The following PRMT3 variants were observed in gnomAD, a reference collection of about 807,000 sequenced individuals.
The protein encoded by PRMT3 is protein arginine methyltransferase 3.
Under a neutral mutation model 71.9 loss-of-function variants are expected in PRMT3, and 62 were observed. The observed-to-expected ratio is 0.86, with a 90% CI of 0.70 to 1.07. PRMT3 has a LOEUF of 1.07. PRMT3 is among the 50% of genes least tolerant of loss of function. The pLI is 0.00. For synonymous variants in PRMT3, 213 were observed against 220.4 expected, an observed-to-expected ratio of 0.97 and a Z score of 0.30; for missense variants, 663 against 643.0, an observed-to-expected ratio of 1.03 and a Z score of -0.34.
chr11:20,439,716 A>T (rs1288851356), intron 10 of PRMT3, among the ~76,000 whole-genome samples: 1 of 152,242 alleles, frequency 6.6e-6, no homozygotes, highest in Non-Finnish European at 1.5e-5. Flanking sequence ...AATTCTCTTC[A>T]TATTAATCTG....
chr11:20,493,879 T>C, intron 13 of PRMT3, 40 bp from the exon 14 acceptor site: 1 of 1,350,594 alleles, frequency 7.4e-7, no homozygotes, highest in East Asian at 2.3e-5. Flanking sequence ...ATTATGTAAT[T>C]CATTTAGTAA....
intron 10 of PRMT3, among the ~76,000 whole-genome samples, chr11:20,439,929 C>T (rs771917438): frequency 6.6e-6 from 1 of 152,132 alleles, no homozygotes; most frequent in Non-Finnish European, 1.5e-5. Flanking sequence ...CAAAGACTGA[C>T]AAACAGACCT....
intron 13 of PRMT3, among the ~76,000 whole-genome samples, chr11:20,485,633 C>G (rs1490964592): frequency 6.6e-6 from 1 of 151,846 alleles, no homozygotes. Flanking sequence ...AGAAAATGTC[C>G]AGAAAGAAGC....
chr11:20,421,128 T>C (rs1347585063), intron 9 of PRMT3, among the ~76,000 whole-genome samples: 1 of 152,188 alleles, frequency 6.6e-6, no homozygotes, highest in African/African-American at 2.4e-5. Context: ...AGCCTTGACC[T>C]CCCAGGCCCA....
intron 10 of PRMT3, among the ~76,000 whole-genome samples, chr11:20,431,270 C>T (rs1177953287): frequency 6.6e-6 from 1 of 152,066 alleles, no homozygotes; most frequent in Non-Finnish European, 1.5e-5. Flanking sequence ...GAATGTTGCT[C>T]CAGAGGCAAA....
intron 5 of PRMT3, 50 bp from the exon 6 acceptor site, chr11:20,395,753 G>T: frequency 1.3e-6 from 2 of 1,546,320 alleles, no homozygotes; most frequent in Non-Finnish European, 1.8e-6. Flanking sequence ...ATTTATACTT[G>T]TTTTATTGTT....
At chr11:20,460,300 A>T (rs7105324) in intron 11 of PRMT3, among the ~76,000 whole-genome samples, 4,544 of 152,120 alleles carry the variant, frequency 0.03, 228 homozygotes, top group African/African-American at 0.1. Flanking sequence ...TACTTGTTTC[A>T]TTTTGCTGAT....
intron 11 of PRMT3, among the ~76,000 whole-genome samples, chr11:20,460,518 A>G (rs1850359861): frequency 6.6e-6 from 1 of 152,040 alleles, no homozygotes; most frequent in Non-Finnish European, 1.5e-5. Context: ...AAGTCCCTTG[A>G]ATTCTAGTAT....
Position 20,461,961 on chromosome 11 carries a change from G to A in PRMT3, c.1073-19G>A, listed in dbSNP as rs1437238847. The stretch of plus-strand genomic sequence containing the variant: ...AAAGGGAGATAATGCTTAATTGTTG[G>A]GCATTTTGTTTGTTACAGTCTACCC... On this transcript the variant is annotated intron_variant, in intron 11 of 15. Coordinates refer to ENST00000331079, the MANE Select transcript of PRMT3 (RefSeq NM_005788.4). 1.3e-6 allele frequency: 2 copies of A among 1,491,796 alleles called. No homozygotes were observed. The highest frequency in any genetic ancestry group is 4.0e-5 in the Admixed American group (2 of 50,604). The allele number at this position is 1,491,796 out of a possible 1,614,324, so 92.4% of individuals were successfully genotyped here.
chr11:20,432,104 C>T (rs1050383409), intron 10 of PRMT3, among the ~76,000 whole-genome samples: 18 of 152,056 alleles, frequency 1.2e-4, no homozygotes, highest in African/African-American at 4.3e-4. Context: ...TGCTCTTAAC[C>T]ACTTCCTAGC....
At chr11:20,446,857 C>G (rs549868745) in intron 10 of PRMT3, among the ~76,000 whole-genome samples, 14 of 152,256 alleles carry the variant, frequency 9.2e-5, no homozygotes, top group Admixed American at 8.5e-4. Flanking sequence ...CATCAGCCGC[C>G]TGTATTTTGC....
At chr11:20,494,111 C>T (rs951152490) in intron 14 of PRMT3, 56 bp from the exon 15 acceptor site, 9 of 1,505,548 alleles carry the variant, frequency 6.0e-6, no homozygotes, top group Non-Finnish European at 8.3e-6. Flanking sequence ...GATTAATGTA[C>T]CATGATATTA....
intron 11 of PRMT3, among the ~76,000 whole-genome samples, chr11:20,455,598 G>T (rs1389814688): frequency 6.6e-6 from 1 of 151,816 alleles, no homozygotes; most frequent in Non-Finnish European, 1.5e-5. Context: ...ACCTTCTTCG[G>T]GTCAAATGAA....
intron 11 of PRMT3, among the ~76,000 whole-genome samples, chr11:20,453,239 G>A (rs1850190192): frequency 6.6e-6 from 1 of 150,532 alleles, no homozygotes; most frequent in African/African-American, 2.4e-5. Flanking sequence ...CCAGCACTCT[G>A]AGAGGCCATG....
At chr11:20,417,816 G>A (rs200756301) in intron 9 of PRMT3, among the ~76,000 whole-genome samples, 1 of 151,498 alleles carries the variant, frequency 6.6e-6, no homozygotes, top group Admixed American at 6.6e-5. Context: ...GTTGTGCACA[G>A]ACACAACCCT....
At chr11:20,393,021 C>T (rs989595866) in intron 5 of PRMT3, 22 bp downstream of exon 5, 4 of 1,455,344 alleles carry the variant, frequency 2.7e-6, no homozygotes, top group Non-Finnish European at 3.9e-6. Context: ...ATAAGTGTAT[C>T]TCCTTTAATT....
At chr11:20,407,672 A>C (rs770893050) in intron 8 of PRMT3, 47 of 310,600 alleles carry the variant, frequency 1.5e-4, no homozygotes, top group Non-Finnish European at 2.5e-4. Context: ...TGGAGTCAAT[A>C]CTAATAAATT....
intron 13 of PRMT3, among the ~76,000 whole-genome samples, chr11:20,482,140 G>A (rs950069126): frequency 4.7e-5 from 7 of 148,994 alleles, no homozygotes; most frequent in African/African-American, 1.8e-4. Context: ...AGATTCGTGT[G>A]CTTGATCCTC....
chr11:20,426,305 A>C (rs1410112149), intron 9 of PRMT3, among the ~76,000 whole-genome samples: 1 of 152,178 alleles, frequency 6.6e-6, no homozygotes, highest in African/African-American at 2.4e-5. Context: ...GCTCAACGAA[A>C]TTACTTAAAA....
Sources: allele counts gnomAD v4.1 joint callset (sites outside exome capture counted in the v4.1 genomes callset), GRCh38; gene constraint gnomAD v4.1.1; transcripts MANE v1.5; gene names NCBI Gene and HGNC (gene_info 2026-07-23, HGNC 2026-07-21).